The following CSMD1 variants were observed in gnomAD, a reference collection of about 807,000 sequenced individuals.
CSMD1 encodes CUB and sushi domain-containing protein 1.
Under a neutral mutation model 417.5 loss-of-function variants are expected in CSMD1, and 213 were observed. The ratio of observed to expected loss-of-function variants is 0.51; its 90% CI spans 0.46 to 0.57. The LOEUF (loss-of-function observed/expected upper bound fraction) is 0.57, where lower values mean the gene tolerates loss of function less well. Among genes scored for constraint, CSMD1 ranks in the 20% least tolerant of loss-of-function variants. The pLI is 0.00. For synonymous variants in CSMD1, 2,862 were observed against 1,736.8 expected (o/e 1.65, Z -16.11); for missense variants, 6,923 against 4,529.7 (o/e 1.53, Z -15.17).
At chr8:4,040,075 A>G (rs141157774) in intron 3 of CSMD1, among the ~76,000 whole-genome samples, 2 of 152,196 alleles carry the variant, frequency 1.3e-5, no homozygotes, top group Non-Finnish European at 2.9e-5. Context: ...AAATAATACA[A>G]TTTTCAAAGT....
chr8:3,678,594 A>C (rs190823570), intron 7 of CSMD1, among the ~76,000 whole-genome samples: 25 of 152,286 alleles, frequency 1.6e-4, no homozygotes, highest in Admixed American at 1.4e-3. Flanking sequence ...GAGAATGGAA[A>C]CAAGTTGGAA....
intron 5 of CSMD1, among the ~76,000 whole-genome samples, chr8:3,959,610 A>G (rs1284556293): frequency 6.6e-6 from 1 of 152,320 alleles, no homozygotes; most frequent in East Asian, 1.9e-4. Context: ...AAATGCTCCA[A>G]ATCACAGCAT....
intron 18 of CSMD1, among the ~76,000 whole-genome samples, chr8:3,374,727 T>G (rs1810199419): frequency 6.6e-6 from 1 of 152,074 alleles, no homozygotes; most frequent in Admixed American, 6.6e-5. Flanking sequence ...TGCTGAGGTT[T>G]CTCTGCCAAC....
intron 4 of CSMD1, among the ~76,000 whole-genome samples, chr8:4,022,870 T>C (rs574773175): frequency 5.9e-5 from 9 of 152,330 alleles, no homozygotes; most frequent in East Asian, 1.9e-4. Flanking sequence ...AGAATTCACA[T>C]AGTTAAGAAG....
At chr8:3,223,141 A>T (rs542163586) in intron 28 of CSMD1, among the ~76,000 whole-genome samples, 1 of 152,296 alleles carries the variant, frequency 6.6e-6, no homozygotes, top group Non-Finnish European at 1.5e-5. Flanking sequence ...TAATAATATA[A>T]TTATTTAAAG....
intron 4 of CSMD1, among the ~76,000 whole-genome samples, chr8:4,005,877 C>G (rs1816071049): frequency 6.6e-6 from 1 of 152,188 alleles, no homozygotes; most frequent in African/African-American, 2.4e-5. Flanking sequence ...TGAACAGGAG[C>G]TGGCTGCCAA....
intron 6 of CSMD1, among the ~76,000 whole-genome samples, chr8:3,713,196 T>C (rs1003651321): frequency 3.3e-5 from 5 of 152,164 alleles, no homozygotes; most frequent in African/African-American, 7.2e-5. Context: ...GATACATTAA[T>C]TTTGTTGTGT....
At chr8:3,531,883 T>C (rs1481058554) in intron 10 of CSMD1, among the ~76,000 whole-genome samples, 1 of 152,074 alleles carries the variant, frequency 6.6e-6, no homozygotes, top group African/African-American at 2.4e-5. Flanking sequence ...GCCCCACCTC[T>C]CCCCTAATCA....
chr8:3,861,471 C>G (rs778273740), intron 5 of CSMD1, among the ~76,000 whole-genome samples: 15 of 152,136 alleles, frequency 9.9e-5, no homozygotes, highest in Admixed American at 6.6e-5. Flanking sequence ...ATTTGAGAGG[C>G]CATAGATTTG....
At chr8:4,885,621 T>C (rs1803686799) in intron 1 of CSMD1, among the ~76,000 whole-genome samples, 1 of 152,008 alleles carries the variant, frequency 6.6e-6, no homozygotes, top group Non-Finnish European at 1.5e-5. Context: ...TGATATAGTA[T>C]ATCACATTAA....
chr8:4,280,875 G>A (rs145962501), intron 3 of CSMD1, among the ~76,000 whole-genome samples: 1 of 152,154 alleles, frequency 6.6e-6, no homozygotes, highest in African/African-American at 2.4e-5. Flanking sequence ...TACAGCATTA[G>A]AAATACTTTT....
intron 3 of CSMD1, among the ~76,000 whole-genome samples, chr8:4,367,698 G>A (rs1802160472): frequency 6.6e-6 from 1 of 152,128 alleles, no homozygotes; most frequent in African/African-American, 2.4e-5. Flanking sequence ...CATGAGCACT[G>A]AATGGTTTTC....
At chr8:3,346,916 G>C (rs1336374283) in intron 22 of CSMD1, among the ~76,000 whole-genome samples, 1 of 152,182 alleles carries the variant, frequency 6.6e-6, no homozygotes, top group Non-Finnish European at 1.5e-5. Context: ...CAGAAACCAG[G>C]CTTCTGTCCA....
intron 52 of CSMD1, among the ~76,000 whole-genome samples, chr8:3,010,964 G>T (rs575562481): frequency 1.6e-4 from 24 of 152,166 alleles, no homozygotes; most frequent in African/African-American, 5.5e-4. Context: ...CTGACCTCGT[G>T]ATCTGCCCAC....
At chr8:4,082,297 T>G (rs1800180281) in intron 3 of CSMD1, among the ~76,000 whole-genome samples, 1 of 152,146 alleles carries the variant, frequency 6.6e-6, no homozygotes. Context: ...TGAGCAGACG[T>G]ATAAGAAAAA....
chr8:4,471,937 A>G (rs1800559292), intron 2 of CSMD1, among the ~76,000 whole-genome samples: 1 of 152,158 alleles, frequency 6.6e-6, no homozygotes, highest in African/African-American at 2.4e-5. Flanking sequence ...GGGACTTTAT[A>G]GAGGGTGCAA....
chr8:3,339,119 A>G (rs1248488244), intron 23 of CSMD1, among the ~76,000 whole-genome samples: 1 of 151,742 alleles, frequency 6.6e-6, no homozygotes, highest in East Asian at 2.0e-4. Flanking sequence ...GTTTACTGAG[A>G]ATGATGATTT....
intron 1 of CSMD1, among the ~76,000 whole-genome samples, chr8:4,833,558 A>T (rs1202193166): frequency 1.3e-5 from 2 of 152,236 alleles, no homozygotes; most frequent in Non-Finnish European, 2.9e-5. Flanking sequence ...TAGATAAGTC[A>T]TTATAATAAA....
At chr8:3,606,857 C>G (rs1801643040) in intron 8 of CSMD1, among the ~76,000 whole-genome samples, 1 of 151,848 alleles carries the variant, frequency 6.6e-6, no homozygotes, top group Non-Finnish European at 1.5e-5. Flanking sequence ...ACTACAGGCA[C>G]CTGCCACCAC....
Sources: gnomAD v4.1 joint callset for allele counts (sites outside exome capture counted in the v4.1 genomes callset) on GRCh38, gnomAD v4.1.1 for gene constraint, MANE v1.5 for transcripts, NCBI Gene and HGNC (gene_info 2026-07-23, HGNC 2026-07-21) for gene names.